Variants in IP6K1 observed in about 807,000 individuals in gnomAD.
IP6K1 encodes inositol hexakisphosphate kinase 1, also known as ATP:1D-myo-inositol-hexakisphosphate phosphotransferase.
In IP6K1, 13 loss-of-function variants were observed where a neutral mutation model predicts 38.3. The observed-to-expected ratio is 0.34, with a 90% confidence interval of 0.22 to 0.54. The LOEUF (loss-of-function observed/expected upper bound fraction) is 0.54, where lower values mean the gene tolerates loss of function less well. Ranked by LOEUF, IP6K1 falls within the 20% of genes least tolerant of loss-of-function variation. The pLI is 0.92. For missense variants in IP6K1, 397 were observed against 599.8 expected, an observed-to-expected ratio of 0.66 and a Z score of 3.53; for synonymous variants, 212 against 229.9, an observed-to-expected ratio of 0.92 and a Z score of 0.70.
At chr3:49,731,056 G>A (rs2080557698) in intron 4 of IP6K1, among the ~76,000 whole-genome samples, 1 of 151,224 alleles carries the variant, frequency 6.6e-6, no homozygotes, top group African/African-American at 2.4e-5. Context: ...ATGAGAGAGA[G>A]AGATCTCGTT....
chr3:49,752,957 G>A (rs1575316134), intron 1 of IP6K1, among the ~76,000 whole-genome samples: 1 of 150,848 alleles, frequency 6.6e-6, no homozygotes, highest in Admixed American at 6.6e-5. Flanking sequence ...ACGGGGTTTT[G>A]TCATGTTGGC....
At chr3:49,777,359 C>T (rs537087796) in intron 1 of IP6K1, among the ~76,000 whole-genome samples, 13 of 151,932 alleles carry the variant, frequency 8.6e-5, no homozygotes, top group African/African-American at 3.1e-4. Flanking sequence ...GTCAAGAGAT[C>T]GAAACCATCC....
rs764431758 is a variant in IP6K1, at chr3:49,732,944, C to T, written c.463G>A (p.Glu155Lys). ...SSQEAKSPKV[E>K]LHSHSEVPFQ... ...GGGACCTCTGAGTGGCTGTGCAGCT[C>T]CACCTTCGGACTCTTTGCCTCCTGT... is the stretch of plus-strand genomic sequence containing the variant. Residue 155 changes from glutamate (E) to lysine (K), a missense_variant, in exon 4 of 6, where the codon GAG (glutamate) becomes AAG (lysine). Transcript: ENST00000321599. The T allele has an allele frequency of 1.2e-6, 2 of 1,613,802 alleles. No individual in the cohort carries two copies. The highest frequency in any genetic ancestry group is 1.1e-5 in the South Asian group (1 of 91,032).
intron 1 of IP6K1, among the ~76,000 whole-genome samples, chr3:49,762,167 G>A (rs1359130939): frequency 6.6e-6 from 1 of 152,084 alleles, no homozygotes; most frequent in Non-Finnish European, 1.5e-5. Flanking sequence ...GCCCAGACTG[G>A]TCTCAAACTC....
intron 1 of IP6K1, among the ~76,000 whole-genome samples, chr3:49,756,802 G>A: frequency 8.5e-6 from 1 of 118,186 alleles, no homozygotes; most frequent in Non-Finnish European, 1.7e-5. Flanking sequence ...GGGCAACAAG[G>A]GCAAAACTCC....
At chr3:49,760,520 A>G (rs1356159961) in intron 1 of IP6K1, among the ~76,000 whole-genome samples, 2 of 149,822 alleles carry the variant, frequency 1.3e-5, no homozygotes, top group East Asian at 2.0e-4. Flanking sequence ...GCTACTCGTG[A>G]GGCTGAGGCA....
chr3:49,765,431 G>C (rs1183650318), intron 1 of IP6K1, among the ~76,000 whole-genome samples: 1 of 147,718 alleles, frequency 6.8e-6, no homozygotes, highest in Non-Finnish European at 1.5e-5. Flanking sequence ...CATGAGGTCA[G>C]GAGATGGAGA....
chr3:49,786,003 T>A (rs2081109601), intron 1 of IP6K1: 1 of 152,232 alleles, frequency 6.6e-6, no homozygotes, highest in Admixed American at 6.5e-5. Flanking sequence ...TAAGTCTATT[T>A]CTCAGCCAGG....
chr3:49,727,308 G>C lies in IP6K1; in HGVS notation c.1140C>G (p.Asn380Lys). Residue 380 changes from asparagine (N) to lysine (K), a missense_variant, in exon 6 of 6, where the codon AAC becomes AAG. Asn to Lys is a moderately conservative substitution (Grantham distance 94). Transcript: ENST00000321599. The surrounding 1 kb of genome is among the most constrained non-coding windows in gnomAD (Gnocchi z 5.9). ...SSCGPSTSPS[N>K]TSPEAGPSSQ... ...AGGAGGGACCCGCCTCGGGGCTGGT[G>C]TTGCTGGGGCTGGTGCTGGGGCCAC... 6.2e-7 allele frequency: 1 copy of C among 1,614,190 alleles called. No homozygotes were observed. The highest frequency in any genetic ancestry group is 8.5e-7 in the Non-Finnish European group (1 of 1,180,030).
rs985894258 is a variant in IP6K1 at position 49,784,966 on chromosome 3, C to A, written c.-129+1388G>T. Among the ~76,000 whole-genome samples, 4 of 151,940 alleles carry A rather than the reference C, an allele frequency of 2.6e-5. No homozygotes were observed. The East Asian group carries it at 5.8e-4, about 22-fold the overall frequency. Reference sequence around the variant, plus strand: ...CTCAAAAAAACAAAACAAAACAAAACAAAACAAAAAGTGCACAAAGTATTG... The same window carrying A: ...CTCAAAAAAACAAAACAAAACAAAAAAAAACAAAAAGTGCACAAAGTATTG... On this transcript the variant is annotated intron_variant, in intron 1 of 5. Transcript: ENST00000321599.
In IP6K1 at chr3:49,761,624, A is replaced by C. The variant is rs1264658310; in HGVS notation, c.-128-13456T>G. Among the ~76,000 whole-genome samples, 6 of 151,994 alleles carry C rather than the reference A, an allele frequency of 3.9e-5. 1 individual carries two copies. The South Asian group carries it at 6.2e-4, about 16-fold the overall frequency. On this transcript the variant is annotated intron_variant, in intron 1 of 5. Transcript: ENST00000321599. The stretch of plus-strand genomic sequence containing the variant: ...GCGAGACTCCGTCTCAAAAAAAAAA[A>C]AAAAAAAAATTAATAACCTAAGGTT...
chr3:49,744,732 A>G (rs371618350), intron 2 of IP6K1, among the ~76,000 whole-genome samples: 2 of 152,204 alleles, frequency 1.3e-5, no homozygotes, highest in East Asian at 3.8e-4. Context: ...TACTAGATAT[A>G]CTGATTGCTA....
chr3:49,771,472 G>A (rs1021775431), intron 1 of IP6K1, among the ~76,000 whole-genome samples: 3 of 152,110 alleles, frequency 2.0e-5, no homozygotes, highest in African/African-American at 7.2e-5. Context: ...TAGCATTCAG[G>A]TAAGTGAAAA....
At chr3:49,778,180 C>A (rs778307887) in intron 1 of IP6K1, among the ~76,000 whole-genome samples, 2 of 151,536 alleles carry the variant, frequency 1.3e-5, no homozygotes, top group African/African-American at 2.4e-5. Flanking sequence ...AAAAATTAGC[C>A]GAGCGTGCTG....
At chr3:49,764,966 T>G (rs2080898916) in intron 1 of IP6K1, among the ~76,000 whole-genome samples, 1 of 149,954 alleles carries the variant, frequency 6.7e-6, no homozygotes, top group Non-Finnish European at 1.5e-5. Context: ...AAACGTGTTA[T>G]GAAACTATTG....
chr3:49,752,733 A>G (rs1159662967), intron 1 of IP6K1, among the ~76,000 whole-genome samples: 1 of 149,768 alleles, frequency 6.7e-6, no homozygotes. Flanking sequence ...TGGGGATTAC[A>G]GGCGTGAGCC....
intron 1 of IP6K1, among the ~76,000 whole-genome samples, chr3:49,771,455 A>G (rs1260072690): frequency 6.6e-6 from 1 of 152,234 alleles, no homozygotes; most frequent in African/African-American, 2.4e-5. Flanking sequence ...AAGGTGCTCA[A>G]TATCATTAGC....
At chr3:49,752,106 A>C (rs990578683) in intron 1 of IP6K1, among the ~76,000 whole-genome samples, 1 of 152,164 alleles carries the variant, frequency 6.6e-6, no homozygotes, top group African/African-American at 2.4e-5. Flanking sequence ...CCTGGGATCA[A>C]GGGATCCTTT....
At chr3:49,741,867 T>C (rs1419526346) in intron 2 of IP6K1, among the ~76,000 whole-genome samples, 3 of 152,098 alleles carry the variant, frequency 2.0e-5, no homozygotes, top group Non-Finnish European at 4.4e-5. Flanking sequence ...GACAAGACAA[T>C]TTAGAACTTC....
Sources: allele counts gnomAD v4.1 joint callset (sites outside exome capture counted in the v4.1 genomes callset), GRCh38; gene constraint gnomAD v4.1.1; non-coding constraint Gnocchi (gnomAD v3.1); transcripts MANE v1.5; gene names NCBI Gene and HGNC (gene_info 2026-07-23, HGNC 2026-07-21).